Variants in AGBL1 observed in about 807,000 individuals in gnomAD.
The protein encoded by AGBL1 is cytosolic carboxypeptidase 4.
In AGBL1, 130 loss-of-function variants were observed where a neutral mutation model predicts 118.9. The observed-to-expected ratio is 1.09, with a 90% CI of 0.95 to 1.26. AGBL1 has a LOEUF of 1.26. AGBL1 is among the 50% of genes most tolerant of loss of function. AGBL1 has a pLI of 0.00. For missense variants in AGBL1, 1,584 were observed against 1,298.1 expected, an observed-to-expected ratio of 1.22 and a Z score of -3.38; for synonymous variants, 555 against 478.9, an observed-to-expected ratio of 1.16 and a Z score of -2.08.
chr15:86,781,724 A>G (rs1197860760), intron 22 of AGBL1, among the ~76,000 whole-genome samples: 1 of 152,200 alleles, frequency 6.6e-6, no homozygotes, highest in Non-Finnish European at 1.5e-5. Flanking sequence ...TTAGGCTACC[A>G]AAGACAATAT....
chr15:86,175,328 A>T (rs1158333097), intron 5 of AGBL1, among the ~76,000 whole-genome samples: 1 of 152,020 alleles, frequency 6.6e-6, no homozygotes, highest in African/African-American at 2.4e-5. Context: ...GCATCTAATT[A>T]TTCTTTGTAC....
intron 21 of AGBL1, among the ~76,000 whole-genome samples, chr15:86,661,808 C>T (rs186488162): frequency 5.9e-4 from 90 of 152,230 alleles, no homozygotes; most frequent in Non-Finnish European, 1.2e-3. Flanking sequence ...AAGTCACTCT[C>T]GTCGCTCTGA....
At chr15:86,550,255 CA>C (rs2083646443) in intron 20 of AGBL1, among the ~76,000 whole-genome samples, 2 of 151,958 alleles carry the variant, frequency 1.3e-5, no homozygotes, top group African/African-American at 4.8e-5. Flanking sequence ...AATCAAACAA[CA>C]AAATGGCAAA....
chr15:86,645,318 ATG>A (rs2085259825), intron 21 of AGBL1, among the ~76,000 whole-genome samples: 1 of 152,210 alleles, frequency 6.6e-6, no homozygotes, highest in African/African-American at 2.4e-5. Flanking sequence ...GTGTGGCAAA[ATG>A]TGAAAAATTG....
intron 1 of AGBL1, among the ~76,000 whole-genome samples, chr15:86,129,363 G>A (rs2076789904): frequency 6.6e-6 from 1 of 152,180 alleles, no homozygotes; most frequent in Non-Finnish European, 1.5e-5. Flanking sequence ...AAAATGGAAG[G>A]TAGGCAATTG....
chr15:86,836,340 T>C (rs2079170928), intron 22 of AGBL1, among the ~76,000 whole-genome samples: 1 of 152,068 alleles, frequency 6.6e-6, no homozygotes, highest in East Asian at 1.9e-4. Flanking sequence ...AAGAACCAGC[T>C]CTCAGATCTT....
At chr15:86,140,079 C>A in intron 1 of AGBL1, 1 of 189,628 alleles carries the variant, frequency 5.3e-6, no homozygotes, top group South Asian at 1.2e-4. Context: ...TCTTGGTATT[C>A]CCCGTGCATG....
chr15:86,572,055 G>A (rs372198876), intron 21 of AGBL1, among the ~76,000 whole-genome samples: 14 of 152,196 alleles, frequency 9.2e-5, no homozygotes, highest in African/African-American at 3.4e-4. Flanking sequence ...GCTCTACCCC[G>A]ACTGTGTGCA....
At chr15:86,436,546 A>G (rs1159505947) in intron 18 of AGBL1, among the ~76,000 whole-genome samples, 1 of 152,136 alleles carries the variant, frequency 6.6e-6, no homozygotes, top group African/African-American at 2.4e-5. Context: ...TTTAATACAT[A>G]GTTAATGTGT....
chr15:86,226,432 T>C (rs917040117), intron 6 of AGBL1, among the ~76,000 whole-genome samples: 3 of 152,144 alleles, frequency 2.0e-5, no homozygotes, highest in Non-Finnish European at 4.4e-5. Context: ...GACTTGATGT[T>C]TCATGGGAAG....
chr15:86,079,758 G>A, upstream of AGBL1: 1 of 379,452 alleles, frequency 2.6e-6, no homozygotes. Context: ...CACAGCAGGG[G>A]CTCACCTAAT....
chr15:86,397,705 C>T (rs2081389324), intron 18 of AGBL1, among the ~76,000 whole-genome samples, 159 bp downstream of exon 18: 1 of 152,164 alleles, frequency 6.6e-6, no homozygotes, highest in South Asian at 2.1e-4. Context: ...ACTTTCCATA[C>T]ACACTGATGT....
rs148525039 is a variant in AGBL1, at chr15:86,300,917, G to A, written c.2374+5509G>A. Among the ~76,000 whole-genome samples the A allele has an allele frequency of 2.7e-3, 411 of 152,312 alleles. 3 individuals carry two copies. The highest frequency in any genetic ancestry group is 4.8e-3 in the East Asian group (25 of 5,190). The stretch of plus-strand genomic sequence containing the variant: ...TCCCGAGGGTGTAATGAGCTACTGC[G>A]GCACCTGCCTTGGGTTGGGAGTTGT... On this transcript the variant is annotated intron_variant, in intron 17 of 22. Coordinates refer to ENST00000614907, the MANE Select transcript of AGBL1 (RefSeq NM_001386094.1).
intron 18 of AGBL1, among the ~76,000 whole-genome samples, chr15:86,472,088 A>G (rs903685130): frequency 6.6e-6 from 1 of 152,186 alleles, no homozygotes; most frequent in African/African-American, 2.4e-5. Context: ...TGGCAGCAGC[A>G]AGGTAGGATC....
chr15:87,018,102 C>T (rs1038628958), intron 24 of AGBL1, among the ~76,000 whole-genome samples: 3 of 133,202 alleles, frequency 2.3e-5, no homozygotes, highest in East Asian at 1.9e-4. Flanking sequence ...AACAAAACCT[C>T]CAAGAAATAT....
chr15:86,918,722 T>C (rs2080455215), downstream of AGBL1, among the ~76,000 whole-genome samples: 1 of 152,164 alleles, frequency 6.6e-6, no homozygotes, highest in South Asian at 2.1e-4. Flanking sequence ...CTGATGGTGG[T>C]AGTTGATGAT....
At chr15:86,510,147 T>C (rs1366146645) in intron 18 of AGBL1, among the ~76,000 whole-genome samples, 1 of 152,100 alleles carries the variant, frequency 6.6e-6, no homozygotes, top group South Asian at 2.1e-4. Context: ...TCAGCAGAAA[T>C]TATTTTTCTG....
intron 17 of AGBL1, among the ~76,000 whole-genome samples, chr15:86,301,347 C>T (rs2079741755): frequency 6.6e-6 from 1 of 151,040 alleles, no homozygotes; most frequent in Non-Finnish European, 1.5e-5. Context: ...GGTTACCTAT[C>T]TAGTTGGTGG....
chr15:86,862,553 C>T (rs116341759), intron 22 of AGBL1, among the ~76,000 whole-genome samples: 195 of 152,176 alleles, frequency 1.3e-3, no homozygotes, highest in African/African-American at 4.5e-3. Context: ...AAACCCACCT[C>T]TACTAATAAT....
Sources: gnomAD v4.1 joint callset for allele counts (sites outside exome capture counted in the v4.1 genomes callset) on GRCh38, gnomAD v4.1.1 for gene constraint, MANE v1.5 for transcripts, NCBI Gene and HGNC (gene_info 2026-07-23, HGNC 2026-07-21) for gene names.